The following DPH6 variants were observed in gnomAD, a reference collection of about 807,000 sequenced individuals.
DPH6 encodes the protein diphthamine biosynthesis 6.
DPH6 carries 33 observed loss-of-function variants against 38.2 expected under a neutral mutation model. The observed-to-expected ratio is 0.86, with a 90% CI of 0.65 to 1.15. The LOEUF is 1.15. DPH6 is among the 50% of genes most tolerant of loss of function. DPH6 has a pLI of 0.00. For missense variants in DPH6, 325 were observed against 320.0 expected (o/e 1.02, Z -0.12); for synonymous variants, 108 against 103.0 (o/e 1.05, Z -0.30).
In DPH6 at chr15:35,237,557, G is replaced by C. The variant is rs1341194415; in HGVS notation, n.201-16975C>G. The C allele has an allele frequency of 7.1e-6, 11 of 1,554,542 alleles. No individual in the cohort carries two copies. The East Asian group carries it at 2.2e-4, about 32-fold the overall frequency. ...TGAACTAAGCGATAACAGAGTCTCG[G>C]GGGGCGTGGAAGCATTGGCAGAAAA... is the stretch of plus-strand genomic sequence containing the variant. On this transcript the variant is annotated intron_variant and non_coding_transcript_variant, in intron 3 of 3. Coordinates refer to the DPH6 transcript ENST00000560386.
chr15:35,244,122 A>AT (rs148647425), intron 3 of DPH6, among the ~76,000 whole-genome samples: 4,853 of 152,252 alleles, frequency 0.032, 263 homozygotes, highest in African/African-American at 0.11. Context: ...ACAAATGTCA[A>AT]TTTTTTATGC....
chr15:35,334,966 A>G (rs2052357672), intron 3 of DPH6, among the ~76,000 whole-genome samples: 1 of 152,154 alleles, frequency 6.6e-6, no homozygotes, highest in Non-Finnish European at 1.5e-5. Flanking sequence ...TAGGTCTTTG[A>G]GAAATTGCCA....
chr15:35,235,813 T>C (rs780599849), intron 3 of DPH6, among the ~76,000 whole-genome samples: 18 of 152,224 alleles, frequency 1.2e-4, no homozygotes, highest in Admixed American at 1.3e-4. Flanking sequence ...ATATATACTG[T>C]GGTAGATTTG....
rs112729266 is a variant in DPH6, at chr15:35,486,598, C to T, written c.313-31778G>A. Among the ~76,000 whole-genome samples, 987 of 152,206 alleles carry T rather than the reference C, an allele frequency of 6.5e-3. 17 individuals are homozygous for T. Among genetic ancestry groups the T allele is most frequent in the African/African-American group, 0.023 (951 of 41,524 alleles). ...ATTGCCCCCATGATCCAATTACCTC[C>T]CACCAAGTCCCTCTCCTGACACATG... is the stretch of plus-strand genomic sequence containing the variant. On this transcript the variant is annotated intron_variant, in intron 3 of 8. Coordinates refer to ENST00000256538, the MANE Select transcript of DPH6 (RefSeq NM_080650.4).
chr15:35,176,532 C>T, the DPH6 span, among the ~76,000 whole-genome samples: 8 of 151,140 alleles, frequency 5.3e-5, no homozygotes, highest in Middle Eastern at 6.8e-3. Flanking sequence ...AGTGCAATGG[C>T]GTGATCTCAG....
At chr15:35,388,605 C>T (rs1010871982) in intron 6 of DPH6, among the ~76,000 whole-genome samples, 5 of 152,176 alleles carry the variant, frequency 3.3e-5, no homozygotes, top group African/African-American at 1.2e-4. Context: ...TCCATTTCTT[C>T]TAGATTTTCT....
At chr15:35,258,746 T>C (rs902407570) in intron 3 of DPH6, among the ~76,000 whole-genome samples, 5 of 152,188 alleles carry the variant, frequency 3.3e-5, no homozygotes, top group Admixed American at 2.0e-4. Flanking sequence ...AGGACTCCAT[T>C]GTTTTCACTA....
chr15:35,310,139 T>C (rs2052128211), intron 3 of DPH6, among the ~76,000 whole-genome samples: 1 of 152,196 alleles, frequency 6.6e-6, no homozygotes, highest in Non-Finnish European at 1.5e-5. Flanking sequence ...CCACTTAATT[T>C]TGTAGCCCAG....
chr15:35,247,417 C>T (rs1042995058), intron 3 of DPH6, among the ~76,000 whole-genome samples: 5 of 152,226 alleles, frequency 3.3e-5, no homozygotes, highest in African/African-American at 1.2e-4. Flanking sequence ...GCTGTAATTT[C>T]ATATGCCAAC....
the DPH6 span, among the ~76,000 whole-genome samples, chr15:35,169,397 C>T: frequency 1.3e-5 from 2 of 152,034 alleles, no homozygotes; most frequent in African/African-American, 4.8e-5. Flanking sequence ...ATGGAAAAAT[C>T]CCAAGGCTGT....
intron 3 of DPH6, among the ~76,000 whole-genome samples, chr15:35,460,575 G>C (rs2054052797): frequency 6.6e-6 from 1 of 152,176 alleles, no homozygotes; most frequent in Non-Finnish European, 1.5e-5. Flanking sequence ...CTGAGTATTA[G>C]AAATAGCAGT....
At chr15:35,344,176 G>A (rs2052444031) in intron 3 of DPH6, among the ~76,000 whole-genome samples, 1 of 151,934 alleles carries the variant, frequency 6.6e-6, no homozygotes, top group African/African-American at 2.4e-5. Flanking sequence ...TGATGATAAA[G>A]AGAAGCCAGA....
At chr15:35,187,687 A>G in the DPH6 span, among the ~76,000 whole-genome samples, 7 of 152,226 alleles carry the variant, frequency 4.6e-5, no homozygotes, top group South Asian at 2.1e-4. Context: ...ATTTTTACCA[A>G]TTAGAATTAG....
chr15:35,446,598 C>A (rs1428587344), intron 5 of DPH6, among the ~76,000 whole-genome samples: 2 of 152,116 alleles, frequency 1.3e-5, no homozygotes, highest in Admixed American at 6.5e-5. Context: ...GTAATACATA[C>A]AACATGCAAA....
chr15:35,268,823 G>A (rs2051802348), intron 3 of DPH6, among the ~76,000 whole-genome samples: 1 of 151,864 alleles, frequency 6.6e-6, no homozygotes, highest in South Asian at 2.1e-4. Flanking sequence ...GAGGGCACAT[G>A]AGGAGGAAAA....
intron 7 of DPH6, among the ~76,000 whole-genome samples, chr15:35,381,067 C>T (rs552757519): frequency 6.6e-6 from 1 of 152,098 alleles, no homozygotes; most frequent in Non-Finnish European, 1.5e-5. Flanking sequence ...TCACTCCTTC[C>T]CTCATTATTA....
At chr15:35,262,309 T>C (rs1324671538) in intron 3 of DPH6, among the ~76,000 whole-genome samples, 1 of 152,214 alleles carries the variant, frequency 6.6e-6, no homozygotes, top group Non-Finnish European at 1.5e-5. Flanking sequence ...ACACACTTCA[T>C]AAAAATTTCT....
At chr15:35,292,090 G>A (rs1012689298) in intron 3 of DPH6, among the ~76,000 whole-genome samples, 3 of 151,956 alleles carry the variant, frequency 2.0e-5, no homozygotes, top group Admixed American at 6.6e-5. Context: ...GAGAAGTAGT[G>A]TAAAAAAATT....
downstream of DPH6, among the ~76,000 whole-genome samples, chr15:35,327,303 A>G (rs1171569446): frequency 6.6e-6 from 1 of 151,614 alleles, no homozygotes; most frequent in Admixed American, 6.6e-5. Flanking sequence ...TTTCTGCTCC[A>G]AAAGTACTGA....
Sources: allele counts gnomAD v4.1 joint callset (sites outside exome capture counted in the v4.1 genomes callset), GRCh38; gene constraint gnomAD v4.1.1; transcripts MANE v1.5; gene names NCBI Gene and HGNC (gene_info 2026-07-23, HGNC 2026-07-21).